USP22: variants seen among roughly 807,000 people sequenced by gnomAD.
The protein encoded by USP22 is ubiquitin specific peptidase 22, also known as ubiquitin carboxyl-terminal hydrolase 22.
In USP22, 22 loss-of-function variants were observed where a neutral mutation model predicts 68.1. That is an observed-to-expected ratio of 0.32 (90% confidence interval 0.23 to 0.46). USP22 has a LOEUF of 0.46. Among genes scored for constraint, USP22 ranks in the 20% least tolerant of loss-of-function variants. The pLI is 1.00. For missense variants in USP22, 433 were observed against 695.8 expected (o/e 0.62, Z 4.25); for synonymous variants, 279 against 274.2 (o/e 1.02, Z -0.17).
Position 21,042,768 on chromosome 17 carries a change from C to T in USP22, c.68G>A (p.Cys23Tyr). 6.7e-7 allele frequency: 1 copy of T among 1,496,568 alleles called. No individual in the cohort carries two copies. The highest frequency in any genetic ancestry group is 8.9e-7 in the Non-Finnish European group (1 of 1,125,110). 92.7% of individuals were successfully genotyped at this position (1,496,568 alleles called of 1,614,324 possible). ...CACCTTGAAGCTGCCCAGGTGCGAGCAGCCCGGCGGCGCTACCGCCAGCTC... is the reference window on the plus strand; with the variant it reads ...CACCTTGAAGCTGCCCAGGTGCGAGTAGCCCGGCGGCGCTACCGCCAGCTC... ...DAELAVAPPGCSHLGSFKVDN... is the reference protein window; with the variant it reads ...DAELAVAPPGYSHLGSFKVDN... Residue 23 changes from cysteine to tyrosine, a missense_variant, in exon 1 of 13, where the codon TGC becomes TAC. Cys to Tyr is a radical substitution (Grantham distance 194). This residue lies in a region of USP22 where 110 missense variants were observed against 89.9 expected (regional missense o/e 1.22). Transcript: ENST00000261497.
At chr17:21,020,986 G>T in intron 3 of USP22, 127 bp downstream of exon 3, 1 of 704,730 alleles carries the variant, frequency 1.4e-6, no homozygotes, top group Non-Finnish European at 2.5e-6. Context: ...AGGGGAAGGT[G>T]GGGACGGCCT....
At chr17:21,039,727 C>T (rs1972402559) in intron 1 of USP22, among the ~76,000 whole-genome samples, 1 of 152,208 alleles carries the variant, frequency 6.6e-6, no homozygotes, top group African/African-American at 2.4e-5. Context: ...AATTCCTATT[C>T]ATTCAGGGAT....
chr17:21,024,458 A>AT (rs1567590330), intron 2 of USP22, among the ~76,000 whole-genome samples: 1 of 152,222 alleles, frequency 6.6e-6, no homozygotes, highest in East Asian at 1.9e-4. Flanking sequence ...GGGATAGGGT[A>AT]TCTCTGTAAC....
intron 4 of USP22, 68 bp downstream of exon 4, chr17:21,019,016 A>C: frequency 6.5e-7 from 1 of 1,528,314 alleles, no homozygotes; most frequent in Non-Finnish European, 9.1e-7. Context: ...TAAGAAACCC[A>C]CAATTCTGTA....
chr17:21,039,526 T>C (rs1463451617), intron 1 of USP22, among the ~76,000 whole-genome samples: 2 of 152,054 alleles, frequency 1.3e-5, no homozygotes, highest in Non-Finnish European at 2.9e-5. Flanking sequence ...ATCACGCCAT[T>C]GCCCTCCAGC....
intron 2 of USP22, among the ~76,000 whole-genome samples, chr17:21,021,868 T>C (rs959999938): frequency 2.6e-5 from 4 of 152,078 alleles, no homozygotes; most frequent in Non-Finnish European, 5.9e-5. Context: ...GGGAAGCCGA[T>C]GTAGGCAGAT....
At chr17:21,037,463 G>C (rs112166744) in intron 1 of USP22, among the ~76,000 whole-genome samples, 1 of 152,148 alleles carries the variant, frequency 6.6e-6, no homozygotes, top group Non-Finnish European at 1.5e-5. Flanking sequence ...CTTAATTTAC[G>C]GGAATGAGAA....
At chr17:21,030,092 G>A (rs183761419) in intron 1 of USP22, among the ~76,000 whole-genome samples, 247 of 152,094 alleles carry the variant, frequency 1.6e-3, no homozygotes, top group African/African-American at 5.8e-3. Flanking sequence ...ATCCCCTCAG[G>A]TACCAAACTC....
chr17:21,028,840 C>T (rs112408483), intron 1 of USP22, among the ~76,000 whole-genome samples, 166 bp from the exon 2 acceptor site: 51 of 151,986 alleles, frequency 3.4e-4, no homozygotes, highest in African/African-American at 1.1e-3. Context: ...CCTTTCAGTT[C>T]CCCCAAACAG....
At chr17:21,019,680 G>A (rs924824859) in intron 3 of USP22, among the ~76,000 whole-genome samples, 2 of 152,186 alleles carry the variant, frequency 1.3e-5, no homozygotes. Flanking sequence ...GAGAGTGGTG[G>A]TAAATGCTAA....
intron 1 of USP22, 63 bp downstream of exon 1, chr17:21,042,602 C>G (rs1972453877): frequency 8.0e-7 from 1 of 1,257,694 alleles, no homozygotes; most frequent in Non-Finnish European, 1.0e-6. Flanking sequence ...GGCCCCTCCG[C>G]CGGCCGGCCT....
intron 1 of USP22, among the ~76,000 whole-genome samples, chr17:21,037,729 G>T (rs1411822327): frequency 6.6e-6 from 1 of 152,182 alleles, no homozygotes; most frequent in African/African-American, 2.4e-5. Flanking sequence ...AATGAGTTCT[G>T]AATAAAGTAT....
chr17:21,027,157 G>A (rs1046777770), intron 2 of USP22, among the ~76,000 whole-genome samples: 2 of 151,526 alleles, frequency 1.3e-5, no homozygotes, highest in South Asian at 2.1e-4. Flanking sequence ...TCCAGGTGTC[G>A]TGGTGTGTGC....
intron 1 of USP22, among the ~76,000 whole-genome samples, chr17:21,033,418 A>C (rs1972316279): frequency 1.3e-5 from 2 of 152,184 alleles, no homozygotes; most frequent in African/African-American, 2.4e-5. Flanking sequence ...GATATTAAGA[A>C]TATTCCTCTG....
intron 2 of USP22, among the ~76,000 whole-genome samples, chr17:21,025,530 C>G (rs1458582246): frequency 6.6e-6 from 1 of 152,130 alleles, no homozygotes; most frequent in Non-Finnish European, 1.5e-5. Context: ...AAACATGTCC[C>G]CCTAGAATTA....
Position 21,017,962 on chromosome 17 carries a change from T to C in USP22, c.670A>G (p.Met224Val). 6.2e-7 allele frequency: 1 copy of C among 1,614,102 alleles called. No individual in the cohort carries two copies. The highest frequency in any genetic ancestry group is 1.1e-5 in the South Asian group (1 of 91,068). Residue 224 changes from methionine to valine, a missense_variant, in exon 5 of 13, where the codon ATG becomes GTG. Met to Val is a conservative substitution (Grantham distance 21). Around this residue, in one of 4 missense-constraint regions of USP22, gnomAD observed 144 missense variants for 237.2 expected, o/e 0.61. Transcript: ENST00000261497. ...QSPSSCLVCE[M>V]SSLFQEFYSG... ...CTCACCTCCTGAAACAGTGAGGACA[T>C]CTCACAGACCAGACAGGAGCTGGGG... is the stretch of plus-strand genomic sequence containing the variant.
intron 1 of USP22, among the ~76,000 whole-genome samples, chr17:21,037,984 A>G (rs2143652668): frequency 6.6e-6 from 1 of 152,354 alleles, no homozygotes; most frequent in South Asian, 2.1e-4. Flanking sequence ...CCTTAAACAG[A>G]AAAATGTTTA....
chr17:21,019,604 T>A (rs2364331), intron 3 of USP22, among the ~76,000 whole-genome samples: 113,112 of 151,748 alleles, frequency 0.75, 42,614 homozygotes, highest in South Asian at 0.82. Flanking sequence ...TAGCATAAAC[T>A]CAGCGTCGAG....
chr17:21,008,141 AAG>A (rs1913835876), intron 8 of USP22, 145 bp from the exon 9 acceptor site: 16 of 1,095,854 alleles, frequency 1.5e-5, no homozygotes, highest in Non-Finnish European at 2.0e-5. Context: ...CAATGAAAAA[AAG>A]AGAAAATGTT....
Sources: allele counts gnomAD v4.1 joint callset (sites outside exome capture counted in the v4.1 genomes callset), GRCh38; gene constraint gnomAD v4.1.1; regional missense constraint gnomAD v4.1.1; transcripts MANE v1.5; gene names NCBI Gene and HGNC (gene_info 2026-07-23, HGNC 2026-07-21).